Variants in GNS observed in about 807,000 individuals in gnomAD.
GNS encodes the protein glucosamine (N-acetyl)-6-sulfatase.
A neutral mutation model predicts 69.7 loss-of-function variants in GNS; 40 were observed. The ratio of observed to expected loss-of-function variants is 0.57; its 90% CI spans 0.45 to 0.75. GNS has a LOEUF of 0.75. Among genes scored for constraint, GNS ranks in the 30% least tolerant of loss-of-function variants. The pLI, the probability that GNS is intolerant of heterozygous loss-of-function variation, is 0.00. For synonymous variants in GNS, 243 were observed against 251.6 expected, an observed-to-expected ratio of 0.97 and a Z score of 0.32; for missense variants, 565 against 685.5, an observed-to-expected ratio of 0.82 and a Z score of 1.96.
intron 10 of GNS, among the ~76,000 whole-genome samples, chr12:64,725,118 G>A (rs963269454): frequency 6.6e-6 from 1 of 152,166 alleles, no homozygotes; most frequent in Non-Finnish European, 1.5e-5. Context: ...AATCTCTAGG[G>A]GTGAGGCCCA....
intron 7 of GNS, 24 bp from the exon 8 acceptor site, chr12:64,739,523 A>G (rs2136245568): frequency 1.9e-6 from 2 of 1,027,968 alleles, no homozygotes; most frequent in East Asian, 5.1e-5. Context: ...GAAGGTAGAA[A>G]TGGGACTTCA....
At chr12:64,745,801 A>G (rs1348124399) in intron 3 of GNS, 77 bp from the exon 4 acceptor site, 1 of 916,334 alleles carries the variant, frequency 1.1e-6, no homozygotes, top group African/African-American at 1.6e-5. Flanking sequence ...AAATTTTACA[A>G]TCTTTTTAGA....
chr12:64,730,434 C>CAAAA (rs35692874), intron 9 of GNS, among the ~76,000 whole-genome samples: 8 of 43,374 alleles, frequency 1.8e-4, no homozygotes, highest in Admixed American at 3.1e-4. Flanking sequence ...ATATGAAAGG[C>CAAAA]AAAAAAAAAA....
chr12:64,747,281 G>T (rs184428152), intron 3 of GNS, among the ~76,000 whole-genome samples: 4 of 152,286 alleles, frequency 2.6e-5, no homozygotes, highest in East Asian at 3.9e-4. Context: ...ATTCAGAAAA[G>T]ATTCTAAGAA....
chr12:64,738,242 T>C (rs1869613856), intron 8 of GNS, among the ~76,000 whole-genome samples: 1 of 152,172 alleles, frequency 6.6e-6, no homozygotes, highest in Non-Finnish European at 1.5e-5. Context: ...ACTCCTGGCC[T>C]CAGGTGATCC....
At chr12:64,744,617 G>C (rs1869843503) in intron 5 of GNS, among the ~76,000 whole-genome samples, 192 bp downstream of exon 5, 1 of 152,132 alleles carries the variant, frequency 6.6e-6, no homozygotes, top group African/African-American at 2.4e-5. Context: ...ATCTGAGCCT[G>C]GCTTATACAC....
At chr12:64,729,612 GT>G (rs929258611) in intron 9 of GNS, among the ~76,000 whole-genome samples, 4 of 152,132 alleles carry the variant, frequency 2.6e-5, no homozygotes, top group East Asian at 1.9e-4. Flanking sequence ...AGCAATAAAA[GT>G]TTTTTTAAGA....
intron 10 of GNS, among the ~76,000 whole-genome samples, chr12:64,728,215 C>T (rs1333195350): frequency 3.3e-5 from 5 of 152,200 alleles, no homozygotes; most frequent in South Asian, 2.1e-4. Flanking sequence ...CGTAAGCCAC[C>T]GCGCCTGGCC....
chr12:64,715,644 GGGAGAA>G lies in GNS; in HGVS notation c.*1091_*1096del, dbSNP rs1341128122. On this transcript the variant is annotated 3_prime_UTR_variant, in exon 14 of 14. Transcript: ENST00000258145. ...AACTCAGGAAGAACCCATCTAAAAG[GGGAGAA>G]GGTAGGGTAAAGTAGTTGATACTTT... 3.9e-5 allele frequency: 6 copies of G among 154,466 alleles called. No individual in the cohort carries two copies. The South Asian group carries it at 1.0e-3, about 26-fold the overall frequency. 9.6% of individuals were successfully genotyped at this position (154,466 alleles called of 1,614,324 possible).
At chr12:64,750,002 A>C (rs1035968552) in intron 2 of GNS, among the ~76,000 whole-genome samples, 1 of 151,042 alleles carries the variant, frequency 6.6e-6, no homozygotes, top group African/African-American at 2.4e-5. Flanking sequence ...CCAACTTCCC[A>C]AAGTAGATGG....
At chr12:64,717,024 G>A (rs938382642) in intron 13 of GNS, among the ~76,000 whole-genome samples, 10 of 152,302 alleles carry the variant, frequency 6.6e-5, no homozygotes, top group Admixed American at 4.6e-4. Flanking sequence ...GTCACACAGT[G>A]CAAGTCAAGA....
chr12:64,748,102 C>T (rs1262003897), intron 2 of GNS, among the ~76,000 whole-genome samples, 184 bp from the exon 3 acceptor site: 1 of 152,160 alleles, frequency 6.6e-6, no homozygotes, highest in African/African-American at 2.4e-5. Flanking sequence ...ATAGTGGAGA[C>T]ATTAAAGCAG....
rs1869806685 is a variant in GNS, at chr12:64,743,366, G to C, written c.625-58C>G. On this transcript the variant is annotated intron_variant, in intron 5 of 13. Coordinates refer to ENST00000258145, the MANE Select transcript of GNS (RefSeq NM_002076.4). Reference sequence around the variant, plus strand: ...TTACCCAACAGATGAGTATTTAATAGATAAATGTCTTCTGGTGAGCAGACA... The same window carrying C: ...TTACCCAACAGATGAGTATTTAATACATAAATGTCTTCTGGTGAGCAGACA... 4.1e-6 allele frequency: 5 copies of C among 1,228,274 alleles called. No homozygotes were observed. In the South Asian group the frequency reaches 6.1e-5, roughly 15 times the overall value. 76.1% of individuals were successfully genotyped at this position (1,228,274 alleles called of 1,614,324 possible). A position where few individuals can be genotyped will look rare whatever the true frequency, so the allele number is the denominator to read the frequency against.
chr12:64,729,747 C>G (rs1039175786), intron 9 of GNS, among the ~76,000 whole-genome samples: 1 of 152,020 alleles, frequency 6.6e-6, no homozygotes, highest in Non-Finnish European at 1.5e-5. Flanking sequence ...TCTACAGGGC[C>G]TAATCCAGAG....
intron 10 of GNS, among the ~76,000 whole-genome samples, chr12:64,726,298 G>A (rs1194618177): frequency 2.0e-5 from 3 of 151,324 alleles, no homozygotes; most frequent in Non-Finnish European, 4.4e-5. Flanking sequence ...GGACAGATTC[G>A]TGGAGCAAAA....
chr12:64,744,497 G>C (rs1253912729), intron 5 of GNS, among the ~76,000 whole-genome samples: 1 of 152,002 alleles, frequency 6.6e-6, no homozygotes, highest in Non-Finnish European at 1.5e-5. Flanking sequence ...GTAAAACCGG[G>C]GTCAAGAGTA....
intron 11 of GNS, among the ~76,000 whole-genome samples, 196 bp from the exon 12 acceptor site, chr12:64,721,901 TGG>T (rs1339404793): frequency 6.6e-6 from 1 of 152,206 alleles, no homozygotes; most frequent in East Asian, 1.9e-4. Flanking sequence ...TCAAGGTATA[TGG>T]GTTGTTCCAT....
chr12:64,719,024 T>C (rs766244524), intron 13 of GNS, among the ~76,000 whole-genome samples: 5 of 152,226 alleles, frequency 3.3e-5, no homozygotes, highest in Non-Finnish European at 7.3e-5. Flanking sequence ...ATTATCCATA[T>C]AAAAACAGTT....
At chr12:64,756,487 G>A (rs1870253248) in intron 1 of GNS, among the ~76,000 whole-genome samples, 1 of 152,146 alleles carries the variant, frequency 6.6e-6, no homozygotes, top group Non-Finnish European at 1.5e-5. Context: ...TTCTAGAATA[G>A]GAGAAAAAGC....
Sources: gnomAD v4.1 joint callset for allele counts (sites outside exome capture counted in the v4.1 genomes callset) on GRCh38, gnomAD v4.1.1 for gene constraint, MANE v1.5 for transcripts, NCBI Gene and HGNC (gene_info 2026-07-23, HGNC 2026-07-21) for gene names.